PRKCE: variants seen among roughly 807,000 people sequenced by gnomAD.
The protein encoded by PRKCE is protein kinase C epsilon type.
Under a neutral mutation model 85.4 loss-of-function variants are expected in PRKCE, and 16 were observed. That is an observed-to-expected ratio of 0.19 (90% CI 0.13 to 0.28). PRKCE has a LOEUF of 0.28. Among genes scored for constraint, PRKCE ranks in the 10% least tolerant of loss-of-function variants. The probability of loss-of-function intolerance (pLI) is 1.00; values close to 1 mark genes in which losing one functional copy is unlikely to be tolerated. For synonymous variants in PRKCE, 388 were observed against 371.5 expected (o/e 1.04, Z -0.51); for missense variants, 573 against 975.2 (o/e 0.59, Z 5.49).
chr2:46,184,589 C>T lies in PRKCE; in HGVS notation c.2068-146C>T. On this transcript the variant is annotated intron_variant, in intron 14 of 14. Transcript: ENST00000306156. This position sits in a 1 kb window ranked among gnomAD's most constrained non-coding sequence, Gnocchi z 5.0. The stretch of plus-strand genomic sequence containing the variant: ...GTCCTGGGGCCATCCATCGTTACCT[C>T]ATCGGGACAGCCCCGTGTCTGCTGT... 9.8e-7 allele frequency: 1 copy of T among 1,019,832 alleles called. No individual in the cohort carries two copies. The highest frequency in any genetic ancestry group is 1.4e-6 in the Non-Finnish European group (1 of 695,032). The allele number at this position is 1,019,832 out of a possible 1,614,324, so 63.2% of individuals were successfully genotyped here.
intron 2 of PRKCE, among the ~76,000 whole-genome samples, chr2:45,960,652 C>A (rs992537265): frequency 1.3e-5 from 2 of 152,220 alleles, no homozygotes; most frequent in Non-Finnish European, 2.9e-5. Flanking sequence ...CAGCCAGGTT[C>A]CTAACAGGCC....
chr2:45,893,009 T>C (rs1203128685), intron 2 of PRKCE, among the ~76,000 whole-genome samples: 1 of 152,162 alleles, frequency 6.6e-6, no homozygotes, highest in Non-Finnish European at 1.5e-5. Flanking sequence ...CATTGCCTCA[T>C]TCCGCTGCAC....
intron 1 of PRKCE, among the ~76,000 whole-genome samples, chr2:45,760,701 C>A (rs76832879): frequency 2.0e-5 from 3 of 152,048 alleles, no homozygotes; most frequent in African/African-American, 7.2e-5. Flanking sequence ...CCAAAGGAGG[C>A]TTTGTAGTGG....
At chr2:45,665,718 G>T (rs1254184201) in intron 1 of PRKCE, among the ~76,000 whole-genome samples, 1 of 152,066 alleles carries the variant, frequency 6.6e-6, no homozygotes, top group East Asian at 1.9e-4. Context: ...CTATAGATAT[G>T]TCCTAGGTAT....
chr2:45,747,170 G>A (rs993600656), intron 1 of PRKCE, among the ~76,000 whole-genome samples: 2 of 152,018 alleles, frequency 1.3e-5, no homozygotes, highest in African/African-American at 4.8e-5. Flanking sequence ...GAAACAACTG[G>A]GTATTTTTTT....
intron 2 of PRKCE, among the ~76,000 whole-genome samples, chr2:45,857,430 C>A (rs1175770206): frequency 6.6e-6 from 1 of 152,220 alleles, no homozygotes; most frequent in Non-Finnish European, 1.5e-5. Flanking sequence ...TGTCAACCTG[C>A]TTAAGTTCTG....
chr2:45,911,060 T>G (rs973576852), intron 2 of PRKCE, among the ~76,000 whole-genome samples: 11 of 152,200 alleles, frequency 7.2e-5, no homozygotes, highest in Non-Finnish European at 1.6e-4. Flanking sequence ...GTGGACTGAT[T>G]GCATTGAGCA....
In PRKCE at chr2:45,905,027, C is replaced by T. The variant is rs1696870617; in HGVS notation, c.412+61964C>T. Among the ~76,000 whole-genome samples, 1 of 152,236 alleles carries T rather than the reference C, an allele frequency of 6.6e-6. No individual in the cohort carries two copies. Among genetic ancestry groups the T allele is most frequent in the Admixed American group, 6.5e-5 (1 of 15,286 alleles). On this transcript the variant is annotated intron_variant, in intron 2 of 14. Coordinates refer to ENST00000306156, the MANE Select transcript of PRKCE (RefSeq NM_005400.3). The surrounding 1 kb of genome is among the most constrained non-coding windows in gnomAD (Gnocchi z 4.4). The stretch of plus-strand genomic sequence containing the variant: ...CGACAGGGGCTCCACATCACTTCAG[C>T]AGGCACGGTGACACACAGGACTCAC...
chr2:45,824,837 A>T (rs1380735289), intron 1 of PRKCE, among the ~76,000 whole-genome samples: 12 of 152,068 alleles, frequency 7.9e-5, no homozygotes, highest in African/African-American at 2.9e-4. Flanking sequence ...GGAAATTCTA[A>T]TGGAGATTTC....
chr2:45,984,598 C>T lies in PRKCE; in HGVS notation c.741C>T (p.Ile247=), dbSNP rs1703162063. The T allele has an allele frequency of 1.3e-6, 2 of 1,599,852 alleles. No homozygotes were observed. The highest frequency in any genetic ancestry group is 2.7e-5 in the African/African-American group (2 of 75,036). The change falls in exon 6 of 15, where the codon ATC becomes ATT. Residue 247 remains isoleucine (I), a synonymous_variant. Transcript: ENST00000306156. ...FSVNMPHKFG[I]HNYKVPTFCD... is the part of the protein sequence containing the mutation. ...TCAACATGCCCCACAAGTTCGGTAT[C>T]CACAACTACAAGGTCCCTACCTTCT...
intron 1 of PRKCE, among the ~76,000 whole-genome samples, chr2:45,808,270 A>G (rs1018473771): frequency 1.3e-5 from 2 of 152,300 alleles, no homozygotes; most frequent in South Asian, 2.1e-4. Flanking sequence ...AGTAGGGCAC[A>G]TGGTAGACAC....
At chr2:45,738,002 C>G (rs12151684) in intron 1 of PRKCE, among the ~76,000 whole-genome samples, 50,046 of 151,884 alleles carry the variant, frequency 0.33, 9,623 homozygotes, top group Non-Finnish European at 0.42. Context: ...CTCAACACCT[C>G]CTGGCAGGTC....
intron 10 of PRKCE, among the ~76,000 whole-genome samples, chr2:46,025,919 G>C (rs1289859880): frequency 6.6e-6 from 1 of 152,208 alleles, no homozygotes; most frequent in Non-Finnish European, 1.5e-5. Flanking sequence ...ATGGGAACCA[G>C]AGTGAGCCTG....
At chr2:45,660,780 T>C (rs1215419227) in intron 1 of PRKCE, among the ~76,000 whole-genome samples, 1 of 152,220 alleles carries the variant, frequency 6.6e-6, no homozygotes, top group African/African-American at 2.4e-5. Context: ...TCTATTATAA[T>C]GCTAATCAGC....
intron 1 of PRKCE, among the ~76,000 whole-genome samples, chr2:45,712,241 A>T (rs1332441999): frequency 7.7e-6 from 1 of 129,928 alleles, no homozygotes; most frequent in Admixed American, 9.5e-5. Flanking sequence ...TCCACCTCCC[A>T]GGTTCAAGAG....
At chr2:45,784,797 T>C (rs1686467680) in intron 1 of PRKCE, among the ~76,000 whole-genome samples, 1 of 152,006 alleles carries the variant, frequency 6.6e-6, no homozygotes, top group African/African-American at 2.4e-5. Context: ...GAAAGGAAAA[T>C]GGTGGTTGAC....
At chr2:46,105,519 T>G (rs757476673) in intron 11 of PRKCE, among the ~76,000 whole-genome samples, 8 of 151,954 alleles carry the variant, frequency 5.3e-5, no homozygotes, top group Non-Finnish European at 1.2e-4. Context: ...CAACCACAGA[T>G]GCATACCTCA....
chr2:46,184,659 CG>C lies in PRKCE; in HGVS notation c.2068-74del. ...TGCTTTGGTGACAGGCTGGTCAGTG[CG>C]GTGCCCACTCCCCATGGGGGGCCCT... On this transcript the variant is annotated intron_variant, in intron 14 of 14. Coordinates refer to ENST00000306156, the MANE Select transcript of PRKCE (RefSeq NM_005400.3). This position sits in a 1 kb window ranked among gnomAD's most constrained non-coding sequence, Gnocchi z 5.0. 1 of 1,546,864 alleles carries C rather than the reference CG, an allele frequency of 6.5e-7. No individual in the cohort carries two copies. Among genetic ancestry groups the C allele is most frequent in the Non-Finnish European group, 8.7e-7 (1 of 1,147,336 alleles).
chr2:45,822,652 C>T (rs529420439), intron 1 of PRKCE, among the ~76,000 whole-genome samples: 1 of 152,274 alleles, frequency 6.6e-6, no homozygotes, highest in East Asian at 1.9e-4. Flanking sequence ...AACAGCTTGG[C>T]AATTTAAGTG....
Sources: allele counts gnomAD v4.1 joint callset (sites outside exome capture counted in the v4.1 genomes callset), GRCh38; gene constraint gnomAD v4.1.1; non-coding constraint Gnocchi (gnomAD v3.1); transcripts MANE v1.5; gene names NCBI Gene and HGNC (gene_info 2026-07-23, HGNC 2026-07-21).